OLFM2: variants seen among roughly 807,000 people sequenced by gnomAD.
The protein encoded by OLFM2 is olfactomedin 2.
OLFM2 carries 20 observed loss-of-function variants against 43.9 expected under a neutral mutation model. The ratio of observed to expected loss-of-function variants is 0.46; its 90% CI spans 0.32 to 0.66. The LOEUF (loss-of-function observed/expected upper bound fraction) is 0.66, where lower values mean the gene tolerates loss of function less well. OLFM2 is among the 30% of genes least tolerant of loss of function. The probability of loss-of-function intolerance (pLI) is 0.04; values close to 1 mark genes in which losing one functional copy is unlikely to be tolerated. For synonymous variants in OLFM2, 268 were observed against 278.6 expected (o/e 0.96, Z 0.38); for missense variants, 416 against 643.6 (o/e 0.65, Z 3.83).
chr19:9,893,542 C>T (rs754256450), intron 1 of OLFM2, among the ~76,000 whole-genome samples: 3 of 152,088 alleles, frequency 2.0e-5, no homozygotes, highest in Non-Finnish European at 4.4e-5. Flanking sequence ...CGTCTTGGAA[C>T]CTGAGCTGAG....
chr19:9,858,516 G>A (rs1160080024), intron 2 of OLFM2, among the ~76,000 whole-genome samples: 1 of 152,168 alleles, frequency 6.6e-6, no homozygotes, highest in Non-Finnish European at 1.5e-5. Flanking sequence ...GCCTCCTTCA[G>A]GTGGGACCCT....
intron 1 of OLFM2, among the ~76,000 whole-genome samples, chr19:9,890,097 C>T (rs1568377037): frequency 6.6e-6 from 1 of 152,058 alleles, no homozygotes; most frequent in Non-Finnish European, 1.5e-5. Flanking sequence ...TCTGGTTTTG[C>T]CTTCTCTTCC....
At chr19:9,913,591 CCCGATCTTGAGCAGCGGCA>C in intron 1 of OLFM2, 5 of 1,307,446 alleles carry the variant, frequency 3.8e-6, no homozygotes, top group Non-Finnish European at 4.9e-6. Context: ...TCAGCACGGC[CCCGATCTTGAGCAGCGGCA>C]CCGACATCGC....
At chr19:9,915,235 CTCTCT>C (rs2046865394) in intron 1 of OLFM2, among the ~76,000 whole-genome samples, 1 of 120,642 alleles carries the variant, frequency 8.3e-6, no homozygotes, top group African/African-American at 3.3e-5. Context: ...TTTCTTTTCT[CTCTCT>C]TTTTTTTTTT....
chr19:9,925,396 G>C (rs1225185326), intron 1 of OLFM2, among the ~76,000 whole-genome samples: 1 of 152,124 alleles, frequency 6.6e-6, no homozygotes, highest in Non-Finnish European at 1.5e-5. Context: ...TAGCGCAGTC[G>C]CCGTAGAAAA....
At chr19:9,892,719 C>A (rs1333028677) in intron 1 of OLFM2, among the ~76,000 whole-genome samples, 2 of 152,090 alleles carry the variant, frequency 1.3e-5, no homozygotes, top group East Asian at 1.9e-4. Context: ...AAATAAAATT[C>A]TCATCCCCTC....
chr19:9,866,634 G>C (rs1188927171), intron 1 of OLFM2, among the ~76,000 whole-genome samples: 1 of 151,712 alleles, frequency 6.6e-6, no homozygotes, highest in Non-Finnish European at 1.5e-5. Flanking sequence ...CGAGCAGCTG[G>C]GACTACAGGC....
Position 9,854,146 on chromosome 19 carries a change from C to T in OLFM2, c.*40G>A, listed in dbSNP as rs756489823. ...CAGAATGAAAAGGGCCCCCAGCCCCCAGAGGCCCCCCAGGCAGCAGCCCGA... is the reference window on the plus strand; with the variant it reads ...CAGAATGAAAAGGGCCCCCAGCCCCTAGAGGCCCCCCAGGCAGCAGCCCGA... On this transcript the variant is annotated 3_prime_UTR_variant, in exon 6 of 6. Transcript: ENST00000264833. This position sits in a 1 kb window ranked among gnomAD's most constrained non-coding sequence, Gnocchi z 9.5. 1.0e-5 allele frequency: 16 copies of T among 1,592,670 alleles called. No individual in the cohort carries two copies. Among genetic ancestry groups the T allele is most frequent in the South Asian group, 1.0e-4 (9 of 90,384 alleles).
chr19:9,928,552 C>A (rs1174457284), intron 1 of OLFM2, among the ~76,000 whole-genome samples: 3 of 152,086 alleles, frequency 2.0e-5, no homozygotes, highest in Non-Finnish European at 2.9e-5. Flanking sequence ...TGCCTGTAAT[C>A]CCAGCACTGA....
chr19:9,911,158 T>C lies in OLFM2; in HGVS notation c.63+25146A>G, dbSNP rs1307836080. On this transcript the variant is annotated intron_variant, in intron 1 of 5. Transcript: ENST00000264833. ...GAGGTAAGACATCATTCCCATTTTA[T>C]AGATGAGAAAACAATAGCTCAGAGT... Among the ~76,000 whole-genome samples, 8 of 152,136 alleles carry C rather than the reference T, an allele frequency of 5.3e-5. No homozygotes were observed. In the East Asian group the frequency reaches 7.7e-4, roughly 15 times the overall value.
chr19:9,908,378 C>G (rs1284961115), intron 1 of OLFM2, among the ~76,000 whole-genome samples: 2 of 151,430 alleles, frequency 1.3e-5, no homozygotes. Flanking sequence ...GCGATCTCGG[C>G]TCACTGCAAC....
intron 1 of OLFM2, among the ~76,000 whole-genome samples, chr19:9,908,349 C>T (rs1167551450): frequency 3.3e-5 from 5 of 151,882 alleles, no homozygotes. Flanking sequence ...TCTTGTCACC[C>T]AGGCTGGAGT....
chr19:9,885,203 T>G, intron 1 of OLFM2, among the ~76,000 whole-genome samples: 1 of 152,200 alleles, frequency 6.6e-6, no homozygotes, highest in East Asian at 1.9e-4. Flanking sequence ...AGTGCCTTAC[T>G]GTTGAGTGAG....
chr19:9,915,504 ATTT>A (rs2046868729), intron 1 of OLFM2, among the ~76,000 whole-genome samples: 2 of 65,936 alleles, frequency 3.0e-5, no homozygotes, highest in African/African-American at 6.3e-5. Context: ...TTTTTTATTT[ATTT>A]ATTTATTTAT....
intron 1 of OLFM2, among the ~76,000 whole-genome samples, chr19:9,896,362 G>C (rs1301675816): frequency 2.0e-5 from 3 of 151,844 alleles, no homozygotes; most frequent in East Asian, 1.9e-4. Flanking sequence ...GCCTCCCAAA[G>C]TGCTGGGATT....
intron 1 of OLFM2, among the ~76,000 whole-genome samples, chr19:9,909,749 C>G (rs1314270285): frequency 1.3e-5 from 2 of 152,208 alleles, no homozygotes; most frequent in Non-Finnish European, 2.9e-5. Flanking sequence ...TGTGCCTGGT[C>G]ACTTTCCATT....
intron 5 of OLFM2, among the ~76,000 whole-genome samples, chr19:9,855,515 G>C (rs1485655787): frequency 1.3e-5 from 2 of 151,976 alleles, no homozygotes; most frequent in African/African-American, 4.8e-5. Flanking sequence ...TGGGATTACA[G>C]GCATGAGCCA....
At chr19:9,870,715 G>A (rs542419919) in intron 1 of OLFM2, among the ~76,000 whole-genome samples, 5 of 152,054 alleles carry the variant, frequency 3.3e-5, no homozygotes, top group South Asian at 4.2e-4. Context: ...GGGCTCAAGC[G>A]TTCAGGTCTC....
At chr19:9,880,102 G>A (rs1160082685) in intron 1 of OLFM2, among the ~76,000 whole-genome samples, 1 of 152,100 alleles carries the variant, frequency 6.6e-6, no homozygotes, top group African/African-American at 2.4e-5. Context: ...GAGCTCAAGT[G>A]ATCCTCCCAC....
Sources: gnomAD v4.1 joint callset for allele counts (sites outside exome capture counted in the v4.1 genomes callset) on GRCh38, gnomAD v4.1.1 for gene constraint, Gnocchi (gnomAD v3.1) non-coding constraint, MANE v1.5 for transcripts, NCBI Gene and HGNC (gene_info 2026-07-23, HGNC 2026-07-21) for gene names.